CHCHD3: variants seen among roughly 807,000 people sequenced by gnomAD.
CHCHD3 encodes the protein MICOS complex subunit MIC19.
Under a neutral mutation model 38.2 loss-of-function variants are expected in CHCHD3, and 20 were observed. The observed-to-expected ratio is 0.52, with a 90% CI of 0.37 to 0.76. The LOEUF (loss-of-function observed/expected upper bound fraction) is 0.76, where lower values mean the gene tolerates loss of function less well. Among genes scored for constraint, CHCHD3 ranks in the 30% least tolerant of loss-of-function variants. The pLI, the probability that CHCHD3 is intolerant of heterozygous loss-of-function variation, is 0.00. For synonymous variants in CHCHD3, 82 were observed against 100.0 expected, an observed-to-expected ratio of 0.82 and a Z score of 1.07; for missense variants, 245 against 279.2, an observed-to-expected ratio of 0.88 and a Z score of 0.87.
intron 7 of CHCHD3, among the ~76,000 whole-genome samples, chr7:132,785,865 TCAC>T (rs1806303114): frequency 6.6e-6 from 1 of 152,154 alleles, no homozygotes; most frequent in African/African-American, 2.4e-5. Context: ...ATGACCCCTC[TCAC>T]CACCACATGG....
intron 3 of CHCHD3, among the ~76,000 whole-genome samples, chr7:133,012,034 A>G (rs1320568365): frequency 6.6e-6 from 1 of 152,220 alleles, no homozygotes; most frequent in African/African-American, 2.4e-5. Context: ...GGTTACAGAA[A>G]GTTGATGTTA....
At chr7:132,919,400 T>C (rs1395012783) in intron 4 of CHCHD3, among the ~76,000 whole-genome samples, 1 of 152,044 alleles carries the variant, frequency 6.6e-6, no homozygotes, top group African/African-American at 2.4e-5. Context: ...CGTGAGCCAC[T>C]GTGCCCGGCC....
At chr7:132,940,617 T>A (rs1810741882) in intron 4 of CHCHD3, among the ~76,000 whole-genome samples, 2 of 152,184 alleles carry the variant, frequency 1.3e-5, no homozygotes, top group Non-Finnish European at 2.9e-5. Flanking sequence ...CTTTTTATAT[T>A]TTCTCTCTTC....
chr7:133,017,707 T>C (rs1813067088), intron 3 of CHCHD3, among the ~76,000 whole-genome samples: 1 of 152,224 alleles, frequency 6.6e-6, no homozygotes, highest in African/African-American at 2.4e-5. Flanking sequence ...CCAGGTTTGA[T>C]ATTAACATGT....
intron 4 of CHCHD3, among the ~76,000 whole-genome samples, chr7:132,904,555 C>G (rs62465281): frequency 0.2 from 30,577 of 152,138 alleles, 3,469 homozygotes; most frequent in South Asian, 0.27. Context: ...CATCTCACAC[C>G]AGTTAGAATG....
At chr7:132,886,985 T>C (rs755538479) in intron 4 of CHCHD3, 47 of 1,299,018 alleles carry the variant, frequency 3.6e-5, no homozygotes, top group African/African-American at 6.1e-5. Context: ...TTGTCTTCAA[T>C]ATCCTGCAGC....
At position 132,788,660 on chromosome 7, in the gene CHCHD3, G is replaced by A. The variant is rs193032811; in HGVS notation, c.661-3000C>T. Among the ~76,000 whole-genome samples the A allele has an allele frequency of 4.3e-4, 65 of 152,330 alleles. No individual in the cohort carries two copies. In the East Asian group the frequency reaches 0.011, roughly 25 times the overall value. On this transcript the variant is annotated intron_variant, in intron 7 of 7. Coordinates refer to ENST00000262570, the MANE Select transcript of CHCHD3 (RefSeq NM_017812.4). This position sits in a 1 kb window ranked among gnomAD's most constrained non-coding sequence, Gnocchi z 4.0. ...GATGGGGCCTGGCTGGTCTGAGGATGAGCAGGCCAGTCTCACATAAAGACA... is the reference window on the plus strand; with the variant it reads ...GATGGGGCCTGGCTGGTCTGAGGATAAGCAGGCCAGTCTCACATAAAGACA...
At chr7:132,986,505 T>C (rs1466597465) in intron 3 of CHCHD3, among the ~76,000 whole-genome samples, 1 of 151,832 alleles carries the variant, frequency 6.6e-6, no homozygotes, top group East Asian at 1.9e-4. Context: ...TAGACTCTAA[T>C]GCGATTTGAG....
At chr7:133,068,100 C>T (rs370060032) in intron 2 of CHCHD3, among the ~76,000 whole-genome samples, 2 of 150,590 alleles carry the variant, frequency 1.3e-5, no homozygotes, top group East Asian at 1.9e-4. Context: ...TGGGAGACAG[C>T]GAGACTCCAT....
intron 2 of CHCHD3, among the ~76,000 whole-genome samples, chr7:133,060,194 C>T (rs1209454188): frequency 6.6e-6 from 1 of 152,156 alleles, no homozygotes; most frequent in Non-Finnish European, 1.5e-5. Flanking sequence ...ATTATCTGGT[C>T]TCAACAGGTC....
chr7:132,949,878 G>C (rs1175034902), intron 4 of CHCHD3, among the ~76,000 whole-genome samples: 2 of 152,090 alleles, frequency 1.3e-5, no homozygotes, highest in Non-Finnish European at 2.9e-5. Flanking sequence ...AGAATGGCTA[G>C]TCTAGACACA....
intron 6 of CHCHD3, among the ~76,000 whole-genome samples, chr7:132,819,634 C>G (rs1807293653): frequency 6.6e-6 from 1 of 152,218 alleles, no homozygotes; most frequent in South Asian, 2.1e-4. Context: ...ACAGGCAACA[C>G]TGATGCCACT....
intron 4 of CHCHD3, chr7:132,973,005 T>C (rs933903756): frequency 1.0e-5 from 10 of 985,312 alleles, no homozygotes; most frequent in African/African-American, 5.2e-5. Context: ...ATTTTAGTTA[T>C]GTTGAGTAAC....
Position 133,035,723 on chromosome 7 carries a change from T to G in CHCHD3, c.170-11096A>C. ...TGGCGTTGCTCTCAAACACACAGAA[T>G]CCATCATCACCCTCAAATGCTGGGA... On this transcript the variant is annotated intron_variant, in intron 2 of 7. Transcript: ENST00000262570. This position sits in a 1 kb window ranked among gnomAD's most constrained non-coding sequence, Gnocchi z 4.7. 6.2e-7 allele frequency: 1 copy of G among 1,613,372 alleles called. No homozygotes were observed. Among genetic ancestry groups the G allele is most frequent in the Non-Finnish European group, 8.5e-7 (1 of 1,179,412 alleles).
intron 5 of CHCHD3, among the ~76,000 whole-genome samples, chr7:132,866,532 G>T (rs1174109003): frequency 6.6e-6 from 1 of 152,218 alleles, no homozygotes; most frequent in Non-Finnish European, 1.5e-5. Flanking sequence ...TTGGGTTTGG[G>T]ATAGGCTTGA....
chr7:133,055,386 G>T (rs1371218274), intron 2 of CHCHD3, among the ~76,000 whole-genome samples: 1 of 142,774 alleles, frequency 7.0e-6, no homozygotes. Context: ...TTATAATTAT[G>T]TTATATAATT....
chr7:132,854,360 G>GA (rs1263699210), intron 5 of CHCHD3, among the ~76,000 whole-genome samples: 4 of 151,902 alleles, frequency 2.6e-5, no homozygotes, highest in Admixed American at 6.6e-5. Context: ...TTCCCCAAGA[G>GA]AAAAAAGGAG....
intron 4 of CHCHD3, among the ~76,000 whole-genome samples, chr7:132,916,773 C>G (rs1269280176): frequency 6.6e-6 from 1 of 151,836 alleles, no homozygotes; most frequent in East Asian, 2.0e-4. Context: ...GAGATGGGGT[C>G]TCTCTATATT....
intron 3 of CHCHD3, among the ~76,000 whole-genome samples, chr7:132,997,688 A>AAC (rs1554399142): frequency 7.4e-5 from 11 of 147,714 alleles, no homozygotes; most frequent in East Asian, 1.9e-4. Context: ...AAAAAAAAAA[A>AAC]CAGCAAGAGA....
Sources: gnomAD v4.1 joint callset for allele counts (sites outside exome capture counted in the v4.1 genomes callset) on GRCh38, gnomAD v4.1.1 for gene constraint, Gnocchi (gnomAD v3.1) non-coding constraint, MANE v1.5 for transcripts, NCBI Gene and HGNC (gene_info 2026-07-23, HGNC 2026-07-21) for gene names.